Variants in ANKRD36C observed in about 807,000 individuals in gnomAD.
ANKRD36C encodes ankyrin repeat domain 36C, also known as ankyrin repeat domain-containing protein 36C.
A neutral mutation model predicts 276.4 loss-of-function variants in ANKRD36C; 61 were observed. The observed-to-expected ratio is 0.22, with a 90% CI of 0.18 to 0.27. The LOEUF is 0.27. ANKRD36C is among the 10% of genes least tolerant of loss of function. The pLI, the probability that ANKRD36C is intolerant of heterozygous loss-of-function variation, is 1.00. For missense variants in ANKRD36C, 1,447 were observed against 2,032.3 expected (o/e 0.71, Z 5.54); for synonymous variants, 483 against 680.1 (o/e 0.71, Z 4.51).
chr2:95,913,782 CCT>C (rs1279872318), intron 40 of ANKRD36C, among the ~76,000 whole-genome samples: 1 of 151,390 alleles, frequency 6.6e-6, no homozygotes, highest in East Asian at 2.0e-4. Flanking sequence ...TTCTATGCTT[CCT>C]CTCTTTCTCC....
intron 64 of ANKRD36C, chr2:95,852,854 A>ATTT (rs1675324559): frequency 6.6e-6 from 1 of 152,376 alleles, no homozygotes; most frequent in Non-Finnish European, 1.5e-5. Context: ...AAGATCCTAC[A>ATTT]GGATATTATT....
intron 24 of ANKRD36C, among the ~76,000 whole-genome samples, chr2:95,934,689 G>T (rs1677669194): frequency 6.6e-6 from 1 of 152,308 alleles, no homozygotes; most frequent in African/African-American, 2.4e-5. Context: ...AACCACCATG[G>T]CACATGTATG....
chr2:95,983,011 G>A (rs1678950333), intron 3 of ANKRD36C, among the ~76,000 whole-genome samples: 1 of 151,752 alleles, frequency 6.6e-6, no homozygotes, highest in South Asian at 2.1e-4. Context: ...ATGAGTTTCA[G>A]GGATACAGTT....
At chr2:95,918,838 A>T (rs2104417368) in intron 34 of ANKRD36C, among the ~76,000 whole-genome samples, 1 of 150,446 alleles carries the variant, frequency 6.6e-6, no homozygotes, top group African/African-American at 2.4e-5. Flanking sequence ...TATTCATTGA[A>T]AATGACCATT....
chr2:95,914,523 T>C (rs1360574411), intron 38 of ANKRD36C, among the ~76,000 whole-genome samples: 1 of 151,442 alleles, frequency 6.6e-6, no homozygotes, highest in Non-Finnish European at 1.5e-5. Flanking sequence ...AAACATGGTA[T>C]GATTTGTCAT....
intron 48 of ANKRD36C, 109 bp downstream of exon 68, chr2:95,889,690 A>C: frequency 7.1e-7 from 1 of 1,399,950 alleles, no homozygotes; most frequent in Non-Finnish European, 9.8e-7. Context: ...TCTCAGGAAT[A>C]CTGAATCAGA....
At chr2:95,883,271 T>C (rs1264075162) in intron 54 of ANKRD36C, among the ~76,000 whole-genome samples, 3 of 152,120 alleles carry the variant, frequency 2.0e-5, no homozygotes, top group Non-Finnish European at 2.9e-5. Flanking sequence ...CCTTTTACAT[T>C]TGGAAATTAC....
rs551819339 is a variant in ANKRD36C, at chr2:95,959,283, C to T, written c.1004-498G>A. ...GCACTTTAGTTGAATGTACACTTCC[C>T]AAGTGCTCTGTGGAAGTGTTCTGAA... On this transcript the variant is annotated intron_variant, in intron 10 of 66. Transcript: ENST00000456556. Among the ~76,000 whole-genome samples, 107 of 152,036 alleles carry T rather than the reference C, an allele frequency of 7.0e-4. 2 individuals are homozygous for T. The highest frequency in any genetic ancestry group is 2.5e-3 in the African/African-American group (104 of 41,522).
chr2:95,887,951 A>G (rs1043764522), exon 50 of ANKRD36C: 2 of 1,597,950 alleles, frequency 1.3e-6, no homozygotes, highest in Non-Finnish European at 1.7e-6. Flanking sequence ...TCCATCCTTT[A>G]TTTCTGTGGG....
chr2:95,966,451 T>C (rs1678593350), intron 6 of ANKRD36C, among the ~76,000 whole-genome samples: 1 of 152,174 alleles, frequency 6.6e-6, no homozygotes, highest in Admixed American at 6.6e-5. Flanking sequence ...TTTTGTCAGG[T>C]TTGTCAAAGA....
At chr2:95,881,570 A>C (rs2104324657) in intron 56 of ANKRD36C, among the ~76,000 whole-genome samples, 1 of 152,128 alleles carries the variant, frequency 6.6e-6, no homozygotes, top group South Asian at 2.1e-4. Context: ...TTCATATTAA[A>C]CTTCAACTCA....
intron 36 of ANKRD36C, among the ~76,000 whole-genome samples, chr2:95,916,537 CAT>C (rs1406265854): frequency 5.9e-5 from 9 of 151,670 alleles, no homozygotes; most frequent in Non-Finnish European, 8.9e-5. Context: ...CGTGATCCCA[CAT>C]GTCTTTCATG....
At chr2:95,860,033 A>G (rs867047649) in exon 61 of ANKRD36C, 1 of 1,545,952 alleles carries the variant, frequency 6.5e-7, no homozygotes, top group Middle Eastern at 1.7e-4. Flanking sequence ...AATCTTTTAC[A>G]TAAACAAAAT....
intron 46 of ANKRD36C, among the ~76,000 whole-genome samples, chr2:95,891,349 T>C (rs1270944825): frequency 1.3e-5 from 2 of 151,402 alleles, no homozygotes; most frequent in Non-Finnish European, 3.0e-5. Flanking sequence ...CCTCTCTTTC[T>C]CCTTCCACCC....
intron 6 of ANKRD36C, among the ~76,000 whole-genome samples, chr2:95,977,909 T>C (rs1678846154): frequency 6.6e-6 from 1 of 152,022 alleles, no homozygotes; most frequent in Non-Finnish European, 1.5e-5. Context: ...GGAACCATAA[T>C]TAAATAATAA....
At chr2:95,951,636 G>T (rs1282583591) in intron 14 of ANKRD36C, among the ~76,000 whole-genome samples, 35 of 152,226 alleles carry the variant, frequency 2.3e-4, no homozygotes, top group African/African-American at 8.2e-4. Context: ...AACCCATGTT[G>T]ATTATTATAC....
chr2:95,914,205 A>T (rs769754989), intron 39 of ANKRD36C, 25 bp from the exon 42 acceptor site: 1 of 1,571,166 alleles, frequency 6.4e-7, no homozygotes, highest in Non-Finnish European at 8.6e-7. Flanking sequence ...AAATGAAATA[A>T]TAAGTTAATA....
intron 39 of ANKRD36C, 44 bp downstream of exon 41, chr2:95,914,231 A>G (rs1485089787): frequency 1.3e-6 from 2 of 1,559,210 alleles, no homozygotes; most frequent in East Asian, 2.4e-5. Context: ...TGTTTCATAG[A>G]CTATGCATTT....
chr2:95,931,906 G>T (rs1258150779), intron 24 of ANKRD36C, among the ~76,000 whole-genome samples: 1 of 151,664 alleles, frequency 6.6e-6, no homozygotes, highest in Non-Finnish European at 1.5e-5. Flanking sequence ...GCTTTACGGG[G>T]TGTTTCTTCA....
Sources: allele counts gnomAD v4.1 joint callset (sites outside exome capture counted in the v4.1 genomes callset), GRCh38; gene constraint gnomAD v4.1.1; transcripts MANE v1.5; gene names NCBI Gene and HGNC (gene_info 2026-07-23, HGNC 2026-07-21).